Variants in DLC1 observed in about 807,000 individuals in gnomAD.
The protein encoded by DLC1 is rho GTPase-activating protein 7.
A neutral mutation model predicts 140.3 loss-of-function variants in DLC1; 54 were observed. That is an observed-to-expected ratio of 0.38 (90% CI 0.31 to 0.48). DLC1 has a LOEUF of 0.48. Among genes scored for constraint, DLC1 ranks in the 20% least tolerant of loss-of-function variants. The probability of loss-of-function intolerance (pLI) is 0.96; values close to 1 mark genes in which losing one functional copy is unlikely to be tolerated. For missense variants in DLC1, 2,536 were observed against 1,907.0 expected, an observed-to-expected ratio of 1.33 and a Z score of -6.14; for synonymous variants, 986 against 728.1, an observed-to-expected ratio of 1.35 and a Z score of -5.70.
intron 2 of DLC1, among the ~76,000 whole-genome samples, chr8:13,460,199 A>C (rs1799595064): frequency 6.6e-6 from 1 of 152,186 alleles, no homozygotes; most frequent in Non-Finnish European, 1.5e-5. Context: ...GGGGGATTCT[A>C]AAATACACTG....
chr8:13,146,625 G>A (rs147541668), intron 5 of DLC1, among the ~76,000 whole-genome samples: 1,530 of 152,076 alleles, frequency 0.01, 34 homozygotes, highest in African/African-American at 0.035. Context: ...ATTATTATAT[G>A]GCATCTTACA....
intron 1 of DLC1, among the ~76,000 whole-genome samples, chr8:13,589,961 T>G (rs572127335): frequency 7.9e-5 from 12 of 152,002 alleles, no homozygotes. Context: ...ATTATTGTTC[T>G]TCTTAGTATG....
intron 5 of DLC1, among the ~76,000 whole-genome samples, chr8:13,270,985 T>C (rs1409172420): frequency 6.6e-6 from 1 of 152,178 alleles, no homozygotes; most frequent in Non-Finnish European, 1.5e-5. Context: ...TTGCCTAATA[T>C]TACCCAGTGC....
At chr8:13,422,907 A>G (rs1838383589) in intron 2 of DLC1, among the ~76,000 whole-genome samples, 1 of 152,152 alleles carries the variant, frequency 6.6e-6, no homozygotes, top group Non-Finnish European at 1.5e-5. Flanking sequence ...CATAGAGAAG[A>G]CAATTACATT....
At chr8:13,170,264 T>C (rs1243728441) in intron 5 of DLC1, among the ~76,000 whole-genome samples, 3 of 152,286 alleles carry the variant, frequency 2.0e-5, no homozygotes, top group African/African-American at 7.2e-5. Flanking sequence ...GCCAAAGAGT[T>C]CTTGATGCAG....
chr8:13,124,314 T>C lies in DLC1; in HGVS notation c.1349-8657A>G, dbSNP rs1349810373. On this transcript the variant is annotated intron_variant, in intron 5 of 17. Transcript: ENST00000276297. ...TTTAAGGAAGCATTATGATCTTGGA[T>C]ATGAAACTGGATTGCAGGAGAGGGG... is the stretch of plus-strand genomic sequence containing the variant. Among the ~76,000 whole-genome samples, 5 of 152,272 alleles carry C rather than the reference T, an allele frequency of 3.3e-5. No homozygotes were observed. The South Asian group carries it at 8.3e-4, about 25-fold the overall frequency.
In DLC1 at chr8:13,330,690, C is replaced by G. The variant is rs1164652130; in HGVS notation, c.1315-25388G>C. Among the ~76,000 whole-genome samples the G allele has an allele frequency of 2.6e-5, 4 of 152,174 alleles. No homozygotes were observed. The East Asian group carries it at 7.7e-4, about 29-fold the overall frequency. ...GTCACAGGTATAGACAAAAAACACA[C>G]AGTGAGAGGGGATGAGGTGACCAGG... On this transcript the variant is annotated intron_variant, in intron 4 of 17. Transcript: ENST00000276297.
intron 5 of DLC1, among the ~76,000 whole-genome samples, chr8:13,169,419 G>C (rs1825310867): frequency 6.6e-6 from 1 of 152,108 alleles, no homozygotes; most frequent in Admixed American, 6.5e-5. Context: ...ATCTTGTAAG[G>C]TTTTATCATT....
chr8:13,102,973 A>C, intron 7 of DLC1, 120 bp from the exon 8 acceptor site: 2 of 791,960 alleles, frequency 2.5e-6, no homozygotes, highest in Non-Finnish European at 4.1e-6. Flanking sequence ...GTAATACCTA[A>C]TACCTAGAGG....
intron 1 of DLC1, among the ~76,000 whole-genome samples, chr8:13,511,232 AC>A (rs1563411273): frequency 6.6e-6 from 1 of 152,240 alleles, no homozygotes; most frequent in Non-Finnish European, 1.5e-5. Context: ...TAATACAGAA[AC>A]AACCTTTTCA....
intron 5 of DLC1, among the ~76,000 whole-genome samples, chr8:13,128,959 C>CAG (rs1181399272): frequency 5.9e-5 from 2 of 33,784 alleles, no homozygotes; most frequent in African/African-American, 2.2e-4. Context: ...AACGTTAAGA[C>CAG]AGAGTAGACC....
chr8:13,307,930 T>C (rs1832519098), intron 4 of DLC1, among the ~76,000 whole-genome samples: 1 of 152,350 alleles, frequency 6.6e-6, no homozygotes, highest in East Asian at 1.9e-4. Context: ...ATTGGTCTTA[T>C]GATAAGACAT....
chr8:13,191,926 G>GATTATTATTATTATTATT lies in DLC1; in HGVS notation c.1349-76287_1349-76270dup, dbSNP rs143940185. On this transcript the variant is annotated intron_variant, in intron 5 of 17. Transcript: ENST00000276297. ...AACTCTGCTTTAAGGGGAGTGGCCTGATTATTATTATTATTATTATTATTA... is the reference window on the plus strand; with the variant it reads ...AACTCTGCTTTAAGGGGAGTGGCCTGATTATTATTATTATTATTATTATTATTATTATTATTATTATTA... 1.2e-3 allele frequency among the ~76,000 whole-genome samples: 175 copies of GATTATTATTATTATTATT among 141,926 alleles called. 1 individual carries two copies. Among genetic ancestry groups the GATTATTATTATTATTATT allele is most frequent in the African/African-American group, 2.4e-3 (94 of 38,640 alleles). The allele number at this position is 141,926 out of a possible 152,430, so 93.1% of individuals were successfully genotyped here.
At chr8:13,214,267 A>G (rs1186360973) in intron 5 of DLC1, 2 of 189,562 alleles carry the variant, frequency 1.1e-5, no homozygotes, top group Non-Finnish European at 2.2e-5. Context: ...AACGTATGCA[A>G]AGGAAGTTTC....
rs1026500694 is a variant in DLC1, at chr8:13,324,350, C to T, written c.1315-19048G>A. On this transcript the variant is annotated intron_variant, in intron 4 of 17. Transcript: ENST00000276297. ...TTGGGAGGCCGAGGCGGATGGATCA[C>T]GAGGTCAGGAGATCGAGACCATCCT... Among the ~76,000 whole-genome samples the T allele has an allele frequency of 9.9e-5, 15 of 151,924 alleles. 1 individual carries two copies. Among genetic ancestry groups the T allele is most frequent in the African/African-American group, 3.4e-4 (14 of 41,456 alleles).
intron 5 of DLC1, among the ~76,000 whole-genome samples, chr8:13,297,591 T>C (rs1285363378): frequency 6.6e-6 from 1 of 152,078 alleles, no homozygotes; most frequent in Non-Finnish European, 1.5e-5. Context: ...CTGCGCTGAA[T>C]GAAACAAAAT....
chr8:13,443,456 G>A (rs113758372), intron 2 of DLC1, among the ~76,000 whole-genome samples: 6,195 of 151,016 alleles, frequency 0.041, 158 homozygotes, highest in Middle Eastern at 0.081. Flanking sequence ...TCAGGAGATC[G>A]AGACCATCCT....
At chr8:13,575,845 G>T (rs1032118863) in intron 1 of DLC1, among the ~76,000 whole-genome samples, 2 of 152,134 alleles carry the variant, frequency 1.3e-5, no homozygotes, top group Non-Finnish European at 2.9e-5. Flanking sequence ...ATTCTGAAGG[G>T]TATAAAGGAA....
At chr8:13,090,494 A>G (rs1439420974) in intron 14 of DLC1, 24 bp from the exon 15 acceptor site, 1 of 1,611,918 alleles carries the variant, frequency 6.2e-7, no homozygotes, top group South Asian at 1.1e-5. Context: ...GACAGACAGA[A>G]AGGAGGTGAG....
Sources: allele counts gnomAD v4.1 joint callset (sites outside exome capture counted in the v4.1 genomes callset), GRCh38; gene constraint gnomAD v4.1.1; transcripts MANE v1.5; gene names NCBI Gene and HGNC (gene_info 2026-07-23, HGNC 2026-07-21).